The following SOX6 variants were observed in gnomAD, a reference collection of about 807,000 sequenced individuals.
SOX6 encodes the protein transcription factor SOX-6.
In SOX6, 11 loss-of-function variants were observed where a neutral mutation model predicts 97.8. The ratio of observed to expected loss-of-function variants is 0.11; its 90% CI spans 0.07 to 0.19. SOX6 has a LOEUF of 0.19. Among genes scored for constraint, SOX6 ranks in the 10% least tolerant of loss-of-function variants. SOX6 has a pLI of 1.00. For synonymous variants in SOX6, 360 were observed against 371.4 expected, an observed-to-expected ratio of 0.97 and a Z score of 0.35; for missense variants, 810 against 1,039.5, an observed-to-expected ratio of 0.78 and a Z score of 3.04.
At chr11:16,250,375 G>A (rs185513653) in intron 3 of SOX6, among the ~76,000 whole-genome samples, 6 of 152,086 alleles carry the variant, frequency 3.9e-5, no homozygotes, top group Non-Finnish European at 8.8e-5. Flanking sequence ...TTAAAACCTA[G>A]CATTAGAAAT....
intron 3 of SOX6, among the ~76,000 whole-genome samples, chr11:16,619,558 T>C (rs946261941): frequency 2.5e-4 from 38 of 152,058 alleles, no homozygotes; most frequent in African/African-American, 8.2e-4. Flanking sequence ...ATGGTGTTTC[T>C]ATTGCCTAGA....
intron 4 of SOX6, among the ~76,000 whole-genome samples, chr11:16,563,967 G>C (rs1158118004): frequency 2.0e-5 from 3 of 152,136 alleles, no homozygotes; most frequent in African/African-American, 7.2e-5. Context: ...TCGAAGTGCT[G>C]AAAGAAATGA....
chr11:16,066,328 A>G (rs969677250), intron 9 of SOX6, among the ~76,000 whole-genome samples: 3 of 152,182 alleles, frequency 2.0e-5, no homozygotes, highest in African/African-American at 7.2e-5. Context: ...TACAACCACT[A>G]TGGAGCACAA....
intron 3 of SOX6, among the ~76,000 whole-genome samples, chr11:16,260,046 T>C (rs1233094552): frequency 1.3e-5 from 2 of 151,974 alleles, no homozygotes; most frequent in African/African-American, 4.8e-5. Flanking sequence ...GTCATCCAGC[T>C]TGGAGTGCAG....
intron 3 of SOX6, among the ~76,000 whole-genome samples, chr11:16,667,404 G>T (rs185835578): frequency 1.3e-3 from 203 of 152,210 alleles, no homozygotes; most frequent in Non-Finnish European, 2.2e-3. Context: ...AAGGATGAAG[G>T]TTAAAAATAC....
chr11:16,450,386 A>C (rs1181191744), intron 1 of SOX6, among the ~76,000 whole-genome samples: 2 of 152,252 alleles, frequency 1.3e-5, no homozygotes, highest in Non-Finnish European at 2.9e-5. Flanking sequence ...CGTTAACAAC[A>C]AAGAGTGAAA....
At chr11:16,379,010 T>A (rs1208051085) in intron 1 of SOX6, among the ~76,000 whole-genome samples, 2 of 152,082 alleles carry the variant, frequency 1.3e-5, no homozygotes, top group Non-Finnish European at 2.9e-5. Flanking sequence ...TATTCCCACT[T>A]TACATATAAG....
At chr11:16,508,890 C>T (rs1362884984) in intron 4 of SOX6, among the ~76,000 whole-genome samples, 1 of 151,998 alleles carries the variant, frequency 6.6e-6, no homozygotes, top group African/African-American at 2.4e-5. Context: ...GTCCTAAATA[C>T]CCCGACATGA....
At chr11:16,738,445 A>C in exon 1 of SOX6, 1 of 402,232 alleles carries the variant, frequency 2.5e-6, no homozygotes, top group Non-Finnish European at 4.7e-6. Flanking sequence ...ATCCGCGGGA[A>C]CGCTTCCTCC....
Position 16,197,252 on chromosome 11 carries a change from G to A in SOX6, c.536-10297C>T, listed in dbSNP as rs535313849. ...TCAGCAAACTAGAGAGTCCAGTTCA[G>A]TCATGTTTTTTCTGTGTTGTCTGTA... On this transcript the variant is annotated intron_variant, in intron 4 of 15. Coordinates refer to ENST00000683767, the MANE Select transcript of SOX6 (RefSeq NM_001367873.1). Among the ~76,000 whole-genome samples the A allele has an allele frequency of 5.9e-5, 9 of 152,320 alleles. No individual in the cohort carries two copies. The South Asian group carries it at 1.9e-3, about 32-fold the overall frequency.
At chr11:16,262,209 G>A (rs1472405756) in intron 3 of SOX6, among the ~76,000 whole-genome samples, 4 of 151,988 alleles carry the variant, frequency 2.6e-5, no homozygotes, top group South Asian at 2.1e-4. Context: ...TCAAATGTGC[G>A]AACATAACTT....
chr11:16,726,938 C>A (rs533575110), intron 2 of SOX6, among the ~76,000 whole-genome samples: 3 of 152,282 alleles, frequency 2.0e-5, no homozygotes, highest in African/African-American at 7.2e-5. Flanking sequence ...TTTTCCATGT[C>A]TTTTCCAACG....
At chr11:16,589,531 T>C (rs1848128240) in intron 4 of SOX6, among the ~76,000 whole-genome samples, 1 of 152,124 alleles carries the variant, frequency 6.6e-6, no homozygotes, top group African/African-American at 2.4e-5. Context: ...ATATTAATAA[T>C]GTAGGCCTTA....
At chr11:16,310,068 A>G (rs1855553358) in intron 3 of SOX6, among the ~76,000 whole-genome samples, 2 of 152,124 alleles carry the variant, frequency 1.3e-5, no homozygotes. Context: ...AGAATCTTCA[A>G]ATGAATTTTT....
upstream of SOX6, among the ~76,000 whole-genome samples, chr11:16,476,621 G>A (rs915706724): frequency 6.6e-6 from 1 of 151,792 alleles, no homozygotes; most frequent in African/African-American, 2.4e-5. Flanking sequence ...TAAAAAAATC[G>A]GTAATAAAGT....
At chr11:16,400,900 C>T (rs138754050) in intron 1 of SOX6, among the ~76,000 whole-genome samples, 112 of 151,280 alleles carry the variant, frequency 7.4e-4, no homozygotes, top group African/African-American at 2.6e-3. Context: ...AAACATAGTC[C>T]CAAATTTCTA....
chr11:16,033,004 G>A (rs776138214), intron 12 of SOX6, among the ~76,000 whole-genome samples: 1 of 151,930 alleles, frequency 6.6e-6, no homozygotes, highest in Non-Finnish European at 1.5e-5. Flanking sequence ...CACTCATTTG[G>A]CACACAGACC....
chr11:16,475,268 G>T (rs1337918877), intron 1 of SOX6, among the ~76,000 whole-genome samples: 1 of 152,124 alleles, frequency 6.6e-6, no homozygotes, highest in African/African-American at 2.4e-5. Context: ...TTTCCCTCAA[G>T]AACTTTCCCT....
At chr11:16,109,717 A>G (rs530426200) in intron 7 of SOX6, among the ~76,000 whole-genome samples, 2 of 152,336 alleles carry the variant, frequency 1.3e-5, no homozygotes, top group Non-Finnish European at 1.5e-5. Context: ...CACATTTTTC[A>G]TATACAATAA....
Sources: gnomAD v4.1 joint callset for allele counts (sites outside exome capture counted in the v4.1 genomes callset) on GRCh38, gnomAD v4.1.1 for gene constraint, MANE v1.5 for transcripts, NCBI Gene and HGNC (gene_info 2026-07-23, HGNC 2026-07-21) for gene names.